The following KYAT3 variants were observed in gnomAD, a reference collection of about 807,000 sequenced individuals.
The protein encoded by KYAT3 is kynurenine aminotransferase 3.
KYAT3 carries 50 observed loss-of-function variants against 59.0 expected under a neutral mutation model. That is an observed-to-expected ratio of 0.85 (90% CI 0.68 to 1.07). The LOEUF (loss-of-function observed/expected upper bound fraction) is 1.07. Among genes scored for constraint, KYAT3 ranks in the 50% least tolerant of loss-of-function variants. The pLI, the probability that KYAT3 is intolerant of heterozygous loss-of-function variation, is 0.00. For synonymous variants in KYAT3, 148 were observed against 177.0 expected, an observed-to-expected ratio of 0.84 and a Z score of 1.30; for missense variants, 497 against 533.3, an observed-to-expected ratio of 0.93 and a Z score of 0.67.
intron 4 of KYAT3, among the ~76,000 whole-genome samples, chr1:88,965,892 G>C (rs1205220485): frequency 1.3e-5 from 2 of 152,064 alleles, no homozygotes; most frequent in Admixed American, 6.6e-5. Flanking sequence ...TTTAATAGCA[G>C]GTCTAACAAA....
chr1:88,961,801 CTAA>C (rs1676155890), intron 6 of KYAT3, among the ~76,000 whole-genome samples: 1 of 152,178 alleles, frequency 6.6e-6, no homozygotes, highest in Non-Finnish European at 1.5e-5. Flanking sequence ...TTAACTGCTG[CTAA>C]TATTACTTCA....
chr1:88,950,642 C>A (rs1025230315), intron 10 of KYAT3, among the ~76,000 whole-genome samples: 1 of 152,112 alleles, frequency 6.6e-6, no homozygotes, highest in Non-Finnish European at 1.5e-5. Flanking sequence ...CCATATGTAA[C>A]CTATTGACAA....
intron 2 of KYAT3, among the ~76,000 whole-genome samples, chr1:88,986,471 T>C (rs1677464759): frequency 1.3e-5 from 2 of 151,326 alleles, no homozygotes; most frequent in South Asian, 4.2e-4. Context: ...TTTGTATGTT[T>C]AATAGAGATG....
chr1:88,971,834 A>G (rs974947857), intron 2 of KYAT3, among the ~76,000 whole-genome samples: 1 of 152,196 alleles, frequency 6.6e-6, no homozygotes, highest in Non-Finnish European at 1.5e-5. Context: ...TGCTTCTCCT[A>G]TGTGCTTCTA....
intron 12 of KYAT3, 94 bp downstream of exon 12, chr1:88,943,256 T>A: frequency 1.0e-6 from 1 of 995,986 alleles, no homozygotes; most frequent in African/African-American, 1.7e-5. Context: ...TATAACAACA[T>A]TACATTTGAT....
In KYAT3 at chr1:88,969,389, ATTTAT is replaced by A. The variant is rs745680783; in HGVS notation, c.158+15_158+19del. 5.5e-6 allele frequency: 8 copies of A among 1,459,284 alleles called. No homozygotes were observed. 90.4% of individuals were successfully genotyped at this position (1,459,284 alleles called of 1,614,324 possible). ...TGTAGGAAACCCTCACTAAATTATT[ATTTAT>A]TTTAAGATACTCACCACACATTACT... On this transcript the variant is annotated intron_variant, in intron 3 of 13. Coordinates refer to ENST00000260508, the MANE Select transcript of KYAT3 (RefSeq NM_001008661.3).
chr1:88,931,636 T>C (rs1674909248), downstream of KYAT3, among the ~76,000 whole-genome samples: 1 of 151,966 alleles, frequency 6.6e-6, no homozygotes, highest in Non-Finnish European at 1.5e-5. Flanking sequence ...GCTGGGAAGG[T>C]GACCACGTCC....
chr1:88,946,850 C>G (rs1419652629), intron 11 of KYAT3, among the ~76,000 whole-genome samples: 1 of 152,174 alleles, frequency 6.6e-6, no homozygotes, highest in East Asian at 1.9e-4. Flanking sequence ...CCTCTTCTCT[C>G]ACAACAAATG....
intron 13 of KYAT3, 37 bp downstream of exon 13, chr1:88,942,968 T>C (rs1040156908): frequency 5.4e-6 from 7 of 1,299,092 alleles, no homozygotes; most frequent in Non-Finnish European, 7.7e-6. Context: ...GAAATGAAGA[T>C]ACTATATATG....
At chr1:88,964,019 A>G (rs1394068747) in intron 5 of KYAT3, among the ~76,000 whole-genome samples, 1 of 152,222 alleles carries the variant, frequency 6.6e-6, no homozygotes, top group East Asian at 1.9e-4. Context: ...ACTGGCCAAC[A>G]TGGCAAAATC....
At position 88,991,073 on chromosome 1, in the gene KYAT3, T is replaced by G. The variant is rs138310217; in HGVS notation, c.-2+1512A>C. 7.4e-3 allele frequency among the ~76,000 whole-genome samples: 1,130 copies of G among 152,306 alleles called. 21 individuals carry two copies. The highest frequency in any genetic ancestry group is 0.026 in the African/African-American group (1,086 of 41,552). ...AGCATATTATGCATAAAGTCCATAT[T>G]CCAAAACGCATGATCTATAGAAATG... is the stretch of plus-strand genomic sequence containing the variant. On this transcript the variant is annotated intron_variant, in intron 1 of 13. Transcript: ENST00000260508.
chr1:88,925,334 G>A, the KYAT3 span, among the ~76,000 whole-genome samples: 12 of 152,248 alleles, frequency 7.9e-5, 2 homozygotes, highest in African/African-American at 2.9e-4. Context: ...CCTGGGTCCC[G>A]ACCACGACTT....
At position 88,989,812 on chromosome 1, in the gene KYAT3, C is replaced by T. The variant is rs116266117; in HGVS notation, c.-1-1461G>A. ...GAAATCTCAAAGCCTAAATCCCAAA[C>T]CCCTCTCTCCTATCTGTCTTCTACA... On this transcript the variant is annotated intron_variant, in intron 1 of 13. Transcript: ENST00000260508. Among the ~76,000 whole-genome samples the T allele has an allele frequency of 3.6e-3, 551 of 152,262 alleles. 6 individuals are homozygous for T. Among genetic ancestry groups the T allele is most frequent in the African/African-American group, 0.013 (534 of 41,564 alleles).
intron 4 of KYAT3, among the ~76,000 whole-genome samples, chr1:88,966,956 T>C (rs1174273686): frequency 1.3e-5 from 2 of 152,134 alleles, no homozygotes; most frequent in Non-Finnish European, 2.9e-5. Context: ...ATCTTTTTTT[T>C]CTGATAATAT....
At chr1:88,960,755 G>A (rs945922387) in intron 8 of KYAT3, among the ~76,000 whole-genome samples, 20 of 152,128 alleles carry the variant, frequency 1.3e-4, no homozygotes, top group Admixed American at 6.5e-5. Flanking sequence ...TCAAGCAAGG[G>A]CCAAGCAGCA....
At chr1:88,940,944 C>T (rs1675213258) in intron 13 of KYAT3, among the ~76,000 whole-genome samples, 1 of 152,228 alleles carries the variant, frequency 6.6e-6, no homozygotes, top group African/African-American at 2.4e-5. Context: ...TTCTAGGGAT[C>T]TTCCCTCTAC....
At chr1:88,991,479 T>C (rs1343192413) in intron 1 of KYAT3, among the ~76,000 whole-genome samples, 1 of 152,234 alleles carries the variant, frequency 6.6e-6, no homozygotes, top group African/African-American at 2.4e-5. Flanking sequence ...CCTTTCACAC[T>C]CTACCTTGTT....
At chr1:88,938,478 C>T (rs921975632) in intron 13 of KYAT3, among the ~76,000 whole-genome samples, 8 of 151,990 alleles carry the variant, frequency 5.3e-5, no homozygotes, top group African/African-American at 1.5e-4. Flanking sequence ...ATTTCATCAC[C>T]CAGGTATTAA....
intron 8 of KYAT3, 119 bp from the exon 9 acceptor site, chr1:88,955,344 A>C (rs1007358736): frequency 2.2e-5 from 14 of 622,614 alleles, no homozygotes; most frequent in Non-Finnish European, 3.2e-5. Context: ...TAATTTAGCC[A>C]GTATAGTTAT....
Sources: gnomAD v4.1 joint callset for allele counts (sites outside exome capture counted in the v4.1 genomes callset) on GRCh38, gnomAD v4.1.1 for gene constraint, MANE v1.5 for transcripts, NCBI Gene and HGNC (gene_info 2026-07-23, HGNC 2026-07-21) for gene names.